CHODL: variants seen among roughly 807,000 people sequenced by gnomAD.
CHODL encodes the protein chondrolectin, also known as transmembrane protein MT75.
A neutral mutation model predicts 34.5 loss-of-function variants in CHODL; 29 were observed. The observed-to-expected ratio is 0.84, with a 90% CI of 0.63 to 1.15. The LOEUF is 1.15. CHODL is among the 50% of genes most tolerant of loss of function. The probability of loss-of-function intolerance (pLI) is 0.00; values close to 1 mark genes in which losing one functional copy is unlikely to be tolerated. For missense variants in CHODL, 332 were observed against 332.5 expected (o/e 1.00, Z 0.01); for synonymous variants, 125 against 116.1 (o/e 1.08, Z -0.49).
chr21:18,019,196 T>A (rs1263233489), intron 1 of CHODL, among the ~76,000 whole-genome samples: 2 of 152,230 alleles, frequency 1.3e-5, no homozygotes, highest in Non-Finnish European at 2.9e-5. Context: ...AAGCTATTTC[T>A]TTCTAGCTAA....
At chr21:18,122,314 A>G (rs2065489904) in intron 2 of CHODL, among the ~76,000 whole-genome samples, 2 of 152,316 alleles carry the variant, frequency 1.3e-5, no homozygotes, top group African/African-American at 4.8e-5. Flanking sequence ...TTAATATTAT[A>G]TACTTTCTTA....
At chr21:17,949,733 G>C (rs2063440754) in intron 1 of CHODL, among the ~76,000 whole-genome samples, 1 of 152,166 alleles carries the variant, frequency 6.6e-6, no homozygotes, top group African/African-American at 2.4e-5. Context: ...AAAGTGAAGT[G>C]AGCCAGAGAG....
intron 2 of CHODL, among the ~76,000 whole-genome samples, chr21:18,237,880 A>C (rs13047755): frequency 6.6e-6 from 1 of 152,168 alleles, no homozygotes; most frequent in African/African-American, 2.4e-5. Context: ...ACTAGCTCAG[A>C]GCTTACAACC....
chr21:18,058,534 G>A (rs968434567), intron 2 of CHODL, among the ~76,000 whole-genome samples: 1 of 152,112 alleles, frequency 6.6e-6, no homozygotes, highest in African/African-American at 2.4e-5. Flanking sequence ...TGTCATTCAT[G>A]GCAACACGGA....
Position 18,266,177 on chromosome 21 carries a change from A to C in CHODL, c.*139A>C. ...AAGCTCCCCCTTGAGGCAAATATTA[A>C]AGTAATTTTTATATGTCTATTATTT... On this transcript the variant is annotated 3_prime_UTR_variant, in exon 6 of 6. Coordinates refer to ENST00000299295, the MANE Select transcript of CHODL (RefSeq NM_024944.3). 1 of 1,551,182 alleles carries C rather than the reference A, an allele frequency of 6.4e-7. No homozygotes were observed. The highest frequency in any genetic ancestry group is 8.7e-7 in the Non-Finnish European group (1 of 1,146,336).
intron 2 of CHODL, among the ~76,000 whole-genome samples, chr21:18,047,837 A>G (rs1264821378): frequency 6.6e-6 from 1 of 151,960 alleles, no homozygotes; most frequent in Non-Finnish European, 1.5e-5. Flanking sequence ...ACTTTGGCAG[A>G]TATTGACTAT....
intron 1 of CHODL, among the ~76,000 whole-genome samples, chr21:18,003,532 T>C (rs2063931180): frequency 6.6e-6 from 1 of 152,096 alleles, no homozygotes; most frequent in Non-Finnish European, 1.5e-5. Flanking sequence ...ATAATGCGTG[T>C]TCATTTAACA....
At chr21:18,110,817 C>T (rs1037116356) in intron 2 of CHODL, among the ~76,000 whole-genome samples, 2 of 152,262 alleles carry the variant, frequency 1.3e-5, no homozygotes, top group Admixed American at 1.3e-4. Flanking sequence ...TCAAGATTCT[C>T]CCTGTCCAAT....
intron 1 of CHODL, among the ~76,000 whole-genome samples, chr21:17,940,032 T>C (rs1049019582): frequency 6.6e-6 from 1 of 152,228 alleles, no homozygotes; most frequent in Non-Finnish European, 1.5e-5. Flanking sequence ...CACACTTCTT[T>C]TAGTGTTTGC....
chr21:18,025,936 A>T (rs867354907), intron 1 of CHODL, among the ~76,000 whole-genome samples: 29 of 152,162 alleles, frequency 1.9e-4, no homozygotes, highest in African/African-American at 6.0e-4. Flanking sequence ...TACCTCTTTA[A>T]ATACCTTATC....
chr21:18,089,619 C>G (rs887978258), intron 2 of CHODL, among the ~76,000 whole-genome samples: 1 of 152,158 alleles, frequency 6.6e-6, no homozygotes, highest in African/African-American at 2.4e-5. Flanking sequence ...TATATTATCT[C>G]TATTACTTAT....
At chr21:17,941,471 G>A (rs1190098207) in intron 1 of CHODL, among the ~76,000 whole-genome samples, 2 of 125,440 alleles carry the variant, frequency 1.6e-5, no homozygotes, top group African/African-American at 3.0e-5. Flanking sequence ...TTTTCTGAAT[G>A]TTCAAGTACA....
At chr21:18,253,430 T>G (rs2074281152) in intron 1 of CHODL, among the ~76,000 whole-genome samples, 1 of 151,956 alleles carries the variant, frequency 6.6e-6, no homozygotes, top group South Asian at 2.1e-4. Flanking sequence ...GAGTGAAAAA[T>G]CGAACAAGTT....
chr21:17,986,592 C>G (rs1421543732), intron 1 of CHODL, among the ~76,000 whole-genome samples: 7 of 152,158 alleles, frequency 4.6e-5, no homozygotes, highest in Non-Finnish European at 1.5e-5. Context: ...GGTTCCAAGT[C>G]TTTGCTATTG....
At position 17,965,911 on chromosome 21, in the gene CHODL, A is replaced by ATTTTTT. The variant is rs34819022; in HGVS notation, c.-145+48522_-145+48527dup. ...TATAAATACCTATCAAGAGAAGGTA[A>ATTTTTT]TTTTTTTTTTTTTTTTAAACAGGGG... On this transcript the variant is annotated intron_variant, in intron 1 of 6. Transcript: ENST00000400127. Among the ~76,000 whole-genome samples the ATTTTTT allele has an allele frequency of 3.8e-3, 558 of 144,984 alleles. 5 individuals carry two copies. The highest frequency in any genetic ancestry group is 0.025 in the Admixed American group (361 of 14,542).
intron 1 of CHODL, among the ~76,000 whole-genome samples, chr21:17,946,560 A>G (rs1478418311): frequency 1.3e-5 from 2 of 152,220 alleles, no homozygotes; most frequent in Non-Finnish European, 2.9e-5. Context: ...TAGATTTATT[A>G]ATATTTGCTT....
At chr21:17,997,111 T>C (rs1163667011) in intron 1 of CHODL, among the ~76,000 whole-genome samples, 2 of 152,250 alleles carry the variant, frequency 1.3e-5, no homozygotes, top group Admixed American at 1.3e-4. Flanking sequence ...TTCCCACCTT[T>C]CTTTTAAGTT....
At chr21:18,129,568 T>A (rs960245984) in intron 2 of CHODL, among the ~76,000 whole-genome samples, 1 of 152,214 alleles carries the variant, frequency 6.6e-6, no homozygotes, top group African/African-American at 2.4e-5. Context: ...AACATTAGTA[T>A]CTTTGTAGTA....
chr21:18,186,420 A>G lies in CHODL; in HGVS notation c.-44-70089A>G, dbSNP rs12626865. The stretch of plus-strand genomic sequence containing the variant: ...GTTAAAAAAAAAAATTAAAAAAAAA[A>G]AGTCATGTTCACTGCTGCAGGGCTT... On this transcript the variant is annotated intron_variant, in intron 2 of 6. Coordinates refer to the CHODL transcript ENST00000400127. Among the ~76,000 whole-genome samples the G allele has an allele frequency of 0.038, 5,723 of 152,034 alleles. 616 individuals carry two copies. In the East Asian group the frequency reaches 0.39, roughly 10 times the overall value.
Sources: allele counts gnomAD v4.1 joint callset (sites outside exome capture counted in the v4.1 genomes callset), GRCh38; gene constraint gnomAD v4.1.1; transcripts MANE v1.5; gene names NCBI Gene and HGNC (gene_info 2026-07-23, HGNC 2026-07-21).